The following CAMK1D variants were observed in gnomAD, a reference collection of about 807,000 sequenced individuals.
CAMK1D encodes the protein calcium/calmodulin dependent protein kinase ID, also known as calcium/calmodulin-dependent protein kinase type 1D.
A neutral mutation model predicts 47.7 loss-of-function variants in CAMK1D; 9 were observed. The ratio of observed to expected loss-of-function variants is 0.19; its 90% CI spans 0.11 to 0.33. The LOEUF (loss-of-function observed/expected upper bound fraction) is 0.33, where lower values mean the gene tolerates loss of function less well. Ranked by LOEUF, CAMK1D falls within the 10% of genes least tolerant of loss-of-function variation. The pLI is 1.00. For synonymous variants in CAMK1D, 184 were observed against 184.9 expected, an observed-to-expected ratio of 0.99 and a Z score of 0.04; for missense variants, 291 against 488.7, an observed-to-expected ratio of 0.60 and a Z score of 3.81.
At chr10:12,825,744 G>C (rs1833182588) in intron 10 of CAMK1D, 54 bp downstream of exon 10, 1 of 1,612,450 alleles carries the variant, frequency 6.2e-7, no homozygotes, top group Non-Finnish European at 8.5e-7. Context: ...ACGAGCCTGG[G>C]GTGGAGAGGA....
At chr10:12,722,991 T>G (rs890620525) in intron 3 of CAMK1D, among the ~76,000 whole-genome samples, 1 of 151,624 alleles carries the variant, frequency 6.6e-6, no homozygotes, top group Admixed American at 6.6e-5. Flanking sequence ...GGAATTTGAG[T>G]GTAGATGGGA....
intron 1 of CAMK1D, among the ~76,000 whole-genome samples, chr10:12,359,537 T>C (rs1054708096): frequency 6.6e-6 from 1 of 151,468 alleles, no homozygotes; most frequent in Non-Finnish European, 1.5e-5. Context: ...TTTTTTTTTT[T>C]CTCTGCACCT....
chr10:12,390,767 G>A (rs1300882251), intron 1 of CAMK1D, among the ~76,000 whole-genome samples: 1 of 152,174 alleles, frequency 6.6e-6, no homozygotes, highest in Non-Finnish European at 1.5e-5. Context: ...GAAGGGTTGA[G>A]GGACTTGCCT....
Position 12,587,959 on chromosome 10 carries a change from T to G in CAMK1D, c.224+34603T>G, listed in dbSNP as rs527532744. On this transcript the variant is annotated intron_variant, in intron 2 of 10. Coordinates refer to ENST00000619168, the MANE Select transcript of CAMK1D (RefSeq NM_153498.4). ...TTTAAATAGTGCCTTTCTCGGTGATTTGGACTTAAAAATTTAAGGATATAT... is the reference window on the plus strand; with the variant it reads ...TTTAAATAGTGCCTTTCTCGGTGATGTGGACTTAAAAATTTAAGGATATAT... 2.0e-5 allele frequency among the ~76,000 whole-genome samples: 3 copies of G among 152,192 alleles called. No individual in the cohort carries two copies. In the South Asian group the frequency reaches 6.3e-4, roughly 32 times the overall value.
At chr10:12,722,544 C>T (rs969210730) in intron 3 of CAMK1D, among the ~76,000 whole-genome samples, 2 of 150,268 alleles carry the variant, frequency 1.3e-5, no homozygotes, top group African/African-American at 4.9e-5. Flanking sequence ...TAGAAATTTG[C>T]CCTTCAGCAT....
At chr10:12,561,285 C>T (rs1471803227) in intron 2 of CAMK1D, among the ~76,000 whole-genome samples, 1 of 151,962 alleles carries the variant, frequency 6.6e-6, no homozygotes, top group African/African-American at 2.4e-5. Context: ...CGGTGGTGTG[C>T]GTGGTTAAAG....
At chr10:12,787,474 C>CTCG (rs1255478914) in intron 5 of CAMK1D, among the ~76,000 whole-genome samples, 1 of 152,196 alleles carries the variant, frequency 6.6e-6, no homozygotes, top group African/African-American at 2.4e-5. Context: ...GCATAGAGCA[C>CTCG]TCACGAGAAC....
chr10:12,541,576 G>A (rs1051986787), intron 1 of CAMK1D, among the ~76,000 whole-genome samples: 15 of 152,092 alleles, frequency 9.9e-5, no homozygotes, highest in Non-Finnish European at 2.9e-5. Context: ...GGTCAGGCTG[G>A]TCTCGAACTC....
At chr10:12,725,418 C>T (rs1264495513) in intron 3 of CAMK1D, 3 of 155,272 alleles carry the variant, frequency 1.9e-5, no homozygotes, top group Admixed American at 6.5e-5. Context: ...GGTTTTCTTC[C>T]TCAACACTAA....
intron 6 of CAMK1D, among the ~76,000 whole-genome samples, chr10:12,809,574 G>A (rs1369928639): frequency 6.6e-6 from 1 of 152,220 alleles, no homozygotes; most frequent in Non-Finnish European, 1.5e-5. Context: ...TCTGCAACAT[G>A]TGACAACATG....
chr10:12,522,916 G>C (rs1349864906), intron 1 of CAMK1D, among the ~76,000 whole-genome samples: 1 of 97,566 alleles, frequency 1.0e-5, no homozygotes, highest in African/African-American at 3.9e-5. Context: ...GCCGGGCGGG[G>C]GCTGACCCCC....
intron 1 of CAMK1D, among the ~76,000 whole-genome samples, chr10:12,411,724 G>A (rs1839664553): frequency 6.6e-6 from 1 of 151,248 alleles, no homozygotes; most frequent in African/African-American, 2.4e-5. Context: ...TCAGCCTCCC[G>A]AGTAGCTGGG....
At chr10:12,616,792 C>CT (rs1448037527) in intron 2 of CAMK1D, among the ~76,000 whole-genome samples, 3 of 152,178 alleles carry the variant, frequency 2.0e-5, no homozygotes, top group Non-Finnish European at 4.4e-5. Flanking sequence ...GCTGAGATGA[C>CT]AGGCCTGAGC....
At chr10:12,546,552 T>C (rs1218283378) in intron 1 of CAMK1D, among the ~76,000 whole-genome samples, 1 of 151,974 alleles carries the variant, frequency 6.6e-6, no homozygotes, top group Non-Finnish European at 1.5e-5. Flanking sequence ...GGATGAAGGT[T>C]ACCAGCCCAA....
intron 1 of CAMK1D, among the ~76,000 whole-genome samples, chr10:12,396,669 C>T (rs986892245): frequency 6.6e-6 from 1 of 152,224 alleles, no homozygotes; most frequent in Non-Finnish European, 1.5e-5. Flanking sequence ...CACTTACAAT[C>T]TTCTTTGAGT....
intron 1 of CAMK1D, among the ~76,000 whole-genome samples, chr10:12,544,018 T>C (rs1836281721): frequency 6.6e-6 from 1 of 152,234 alleles, no homozygotes; most frequent in Non-Finnish European, 1.5e-5. Flanking sequence ...TCTTGGAAAT[T>C]CAGCTCTCAA....
At chr10:12,757,921 G>A (rs903068441) in intron 3 of CAMK1D, among the ~76,000 whole-genome samples, 3 of 142,974 alleles carry the variant, frequency 2.1e-5, no homozygotes, top group Non-Finnish European at 3.0e-5. Context: ...GCATGATCTC[G>A]GCTCACCGCA....
chr10:12,606,697 C>G (rs1323158862), intron 2 of CAMK1D, among the ~76,000 whole-genome samples: 1 of 152,232 alleles, frequency 6.6e-6, no homozygotes, highest in Non-Finnish European at 1.5e-5. Flanking sequence ...CCACGCCCAA[C>G]TCTGAAGTCT....
At chr10:12,798,198 CT>C (rs1314255914) in intron 6 of CAMK1D, among the ~76,000 whole-genome samples, 1 of 152,228 alleles carries the variant, frequency 6.6e-6, no homozygotes, top group African/African-American at 2.4e-5. Flanking sequence ...TTATTTTCAT[CT>C]TAACCCCATC....
Sources: gnomAD v4.1 joint callset for allele counts (sites outside exome capture counted in the v4.1 genomes callset) on GRCh38, gnomAD v4.1.1 for gene constraint, MANE v1.5 for transcripts, NCBI Gene and HGNC (gene_info 2026-07-23, HGNC 2026-07-21) for gene names.